Variants in ASTN2 observed in about 807,000 individuals in gnomAD.
The protein encoded by ASTN2 is astrotactin-2.
ASTN2 carries 54 observed loss-of-function variants against 139.8 expected under a neutral mutation model. That is an observed-to-expected ratio of 0.39 (90% CI 0.31 to 0.48). The LOEUF is 0.48. Ranked by LOEUF, ASTN2 falls within the 20% of genes least tolerant of loss-of-function variation. The pLI, the probability that ASTN2 is intolerant of heterozygous loss-of-function variation, is 0.95. For missense variants in ASTN2, 1,565 were observed against 1,725.1 expected (o/e 0.91, Z 1.64); for synonymous variants, 756 against 719.5 (o/e 1.05, Z -0.81).
chr9:116,561,106 G>A (rs1302473571), intron 19 of ASTN2, among the ~76,000 whole-genome samples: 1 of 152,078 alleles, frequency 6.6e-6, no homozygotes, highest in Non-Finnish European at 1.5e-5. Context: ...CTTTAAGAGA[G>A]AGAGAGTGTG....
intron 1 of ASTN2, among the ~76,000 whole-genome samples, chr9:117,302,389 G>C (rs1020725167): frequency 6.6e-6 from 1 of 152,184 alleles, no homozygotes; most frequent in Non-Finnish European, 1.5e-5. Context: ...TCATGATGCA[G>C]TGTTCTTCTG....
intron 2 of ASTN2, among the ~76,000 whole-genome samples, chr9:117,290,821 C>T (rs10983608): frequency 0.45 from 68,966 of 152,068 alleles, 16,272 homozygotes; most frequent in South Asian, 0.62. Flanking sequence ...GGAGGGGCTT[C>T]TGTGGACCCC....
chr9:116,867,549 CAA>C (rs58222492), intron 10 of ASTN2, among the ~76,000 whole-genome samples: 7 of 78,306 alleles, frequency 8.9e-5, no homozygotes, highest in African/African-American at 2.2e-4. Context: ...GACTCTGTCT[CAA>C]AAAAAAAAAA....
At chr9:116,974,897 C>T (rs1421002845) in intron 10 of ASTN2, among the ~76,000 whole-genome samples, 1 of 152,148 alleles carries the variant, frequency 6.6e-6, no homozygotes, top group Non-Finnish European at 1.5e-5. Flanking sequence ...AAATTTTTGC[C>T]TTTGTGACTC....
chr9:116,692,180 A>G (rs1329103822), intron 16 of ASTN2, among the ~76,000 whole-genome samples: 2 of 152,188 alleles, frequency 1.3e-5, no homozygotes, highest in Non-Finnish European at 2.9e-5. Flanking sequence ...CTAGAGAACC[A>G]CCCCATGGTG....
At chr9:116,663,791 G>C (rs1858701586) in intron 16 of ASTN2, among the ~76,000 whole-genome samples, 1 of 152,090 alleles carries the variant, frequency 6.6e-6, no homozygotes, top group Non-Finnish European at 1.5e-5. Context: ...TATGCCCTTT[G>C]GTCTCTATAA....
At chr9:116,536,470 T>C (rs1035135245) in intron 19 of ASTN2, among the ~76,000 whole-genome samples, 3 of 152,182 alleles carry the variant, frequency 2.0e-5, no homozygotes, top group Admixed American at 2.0e-4. Context: ...CTCTGCTTTT[T>C]CCCCATCTTT....
At chr9:116,686,021 CAT>C (rs1470536061) in intron 16 of ASTN2, among the ~76,000 whole-genome samples, 1 of 152,020 alleles carries the variant, frequency 6.6e-6, no homozygotes, top group Admixed American at 6.6e-5. Context: ...AGTGAGAAAT[CAT>C]TTGGCATTAC....
intron 13 of ASTN2, among the ~76,000 whole-genome samples, chr9:116,770,841 G>C (rs1429068971): frequency 2.0e-5 from 3 of 152,066 alleles, no homozygotes; most frequent in Non-Finnish European, 4.4e-5. Flanking sequence ...TTCCCCAAGG[G>C]CACCTTCACA....
intron 3 of ASTN2, among the ~76,000 whole-genome samples, chr9:117,144,923 T>C (rs1236019138): frequency 6.6e-6 from 1 of 151,968 alleles, no homozygotes; most frequent in Admixed American, 6.6e-5. Context: ...CCACAAGTGA[T>C]TGGCCTGCCT....
intron 17 of ASTN2, among the ~76,000 whole-genome samples, chr9:116,624,828 C>G (rs894858053): frequency 6.6e-6 from 1 of 151,904 alleles, no homozygotes; most frequent in Non-Finnish European, 1.5e-5. Flanking sequence ...GCTGCTCAAC[C>G]CATAACAAAT....
At chr9:116,607,670 AACACACACACACACAC>A (rs57512218) in intron 19 of ASTN2, among the ~76,000 whole-genome samples, 1,487 of 136,342 alleles carry the variant, frequency 0.011, 14 homozygotes, top group Middle Eastern at 0.062. Context: ...TTAAGAAATT[AACACACACACACACAC>A]ACACACACAC....
chr9:117,094,020 G>T (rs1426421015), intron 5 of ASTN2, among the ~76,000 whole-genome samples: 2 of 151,724 alleles, frequency 1.3e-5, no homozygotes, highest in Non-Finnish European at 2.9e-5. Context: ...TTGTTGTTTG[G>T]TTTGTGTCCC....
chr9:117,048,027 C>T (rs1383824255), intron 5 of ASTN2, among the ~76,000 whole-genome samples: 2 of 152,166 alleles, frequency 1.3e-5, no homozygotes, highest in Admixed American at 6.5e-5. Context: ...GAGGCCATCA[C>T]TTGCCAAAGA....
At chr9:116,965,755 G>C (rs979029655) in intron 10 of ASTN2, among the ~76,000 whole-genome samples, 4 of 152,148 alleles carry the variant, frequency 2.6e-5, no homozygotes, top group Admixed American at 6.6e-5. Context: ...TTCATACAGA[G>C]CAGAAAGGGC....
chr9:116,721,187 T>C (rs10983319), intron 16 of ASTN2, among the ~76,000 whole-genome samples: 65,524 of 152,104 alleles, frequency 0.43, 14,882 homozygotes, highest in Admixed American at 0.56. Flanking sequence ...ATTTTGCATA[T>C]GGAAAAACTG....
At chr9:116,865,423 CAAAAAAAAAAAAAAAAAAA>C (rs869251101) in intron 10 of ASTN2, among the ~76,000 whole-genome samples, 346 of 48,866 alleles carry the variant, frequency 7.1e-3, no homozygotes, top group Non-Finnish European at 0.011. Context: ...AACACTGTCT[CAAAAAAAAAAAAAAAAAAA>C]AAAAAAAAAA....
In ASTN2 at chr9:116,755,457, G is replaced by T. The variant is rs959414678; in HGVS notation, c.2397-21934C>A. On this transcript the variant is annotated intron_variant, in intron 13 of 22. Transcript: ENST00000313400. ...AACTGGACACATTGACAGCAGGAAT[G>T]TGCACAGACAGAGGAAAGACCAGGT... Among the ~76,000 whole-genome samples the T allele has an allele frequency of 5.3e-5, 8 of 152,182 alleles. No individual in the cohort carries two copies. The South Asian group carries it at 6.2e-4, about 12-fold the overall frequency.
chr9:116,534,624 T>C (rs1851526485), intron 19 of ASTN2, among the ~76,000 whole-genome samples: 1 of 152,230 alleles, frequency 6.6e-6, no homozygotes, highest in Non-Finnish European at 1.5e-5. Flanking sequence ...ATGTACCCAG[T>C]AGTCATTCAG....
Sources: allele counts gnomAD v4.1 joint callset (sites outside exome capture counted in the v4.1 genomes callset), GRCh38; gene constraint gnomAD v4.1.1; transcripts MANE v1.5; gene names NCBI Gene and HGNC (gene_info 2026-07-23, HGNC 2026-07-21).